GALNTL6: variants seen among roughly 807,000 people sequenced by gnomAD.
GALNTL6 encodes polypeptide N-acetylgalactosaminyltransferase like 6, also known as polypeptide N-acetylgalactosaminyltransferase-like 6.
Under a neutral mutation model 73.7 loss-of-function variants are expected in GALNTL6, and 46 were observed. That is an observed-to-expected ratio of 0.62 (90% CI 0.49 to 0.80). GALNTL6 has a LOEUF of 0.80. Among genes scored for constraint, GALNTL6 ranks in the 30% least tolerant of loss-of-function variants. GALNTL6 has a pLI of 0.00. For missense variants in GALNTL6, 604 were observed against 755.0 expected (o/e 0.80, Z 2.34); for synonymous variants, 259 against 263.7 (o/e 0.98, Z 0.17).
rs1307566035 is a variant in GALNTL6 at position 172,503,526 on chromosome 4, G to GTGTATATATA, written c.553+154838_553+154839insGTATATATAT. On this transcript the variant is annotated intron_variant, in intron 5 of 12. Transcript: ENST00000506823. ...CTAGTTTGAACATGTACATAGAGTA[G>GTGTATATATA]TATATATATATATATATATATATGT... Among the ~76,000 whole-genome samples, 3 of 85,958 alleles carry GTGTATATATA rather than the reference G, an allele frequency of 3.5e-5. No individual in the cohort carries two copies. The South Asian group carries it at 1.5e-3, about 42-fold the overall frequency. The allele number at this position is 85,958 out of a possible 152,430, so 56.4% of individuals were successfully genotyped here.
intron 5 of GALNTL6, among the ~76,000 whole-genome samples, chr4:172,374,382 G>T (rs971530198): frequency 2.6e-5 from 4 of 151,744 alleles, no homozygotes; most frequent in African/African-American, 9.7e-5. Context: ...CCCAGGGCTT[G>T]CTTTTGGAGC....
At chr4:172,169,594 A>G (rs1734747593) in intron 2 of GALNTL6, among the ~76,000 whole-genome samples, 1 of 152,150 alleles carries the variant, frequency 6.6e-6, no homozygotes, top group Admixed American at 6.5e-5. Context: ...ATAATATTTC[A>G]GGATAGAAAG....
chr4:172,109,636 A>C (rs1230858354), intron 2 of GALNTL6, among the ~76,000 whole-genome samples: 1 of 152,230 alleles, frequency 6.6e-6, no homozygotes, highest in Non-Finnish European at 1.5e-5. Flanking sequence ...CCTCTCAGCA[A>C]TTGCCTTTCA....
chr4:171,823,353 C>A (rs1734733827), intron 2 of GALNTL6, among the ~76,000 whole-genome samples: 1 of 151,670 alleles, frequency 6.6e-6, no homozygotes, highest in Non-Finnish European at 1.5e-5. Flanking sequence ...GGGGACAGTC[C>A]CAAGGAGAAT....
intron 2 of GALNTL6, among the ~76,000 whole-genome samples, chr4:172,132,511 G>A (rs1041515620): frequency 1.1e-4 from 17 of 151,978 alleles, no homozygotes; most frequent in Non-Finnish European, 2.2e-4. Flanking sequence ...ATTAATTTCA[G>A]GGACCTTAAA....
chr4:172,692,943 C>T (rs1234704641), intron 5 of GALNTL6, among the ~76,000 whole-genome samples: 1 of 152,152 alleles, frequency 6.6e-6, no homozygotes, highest in Non-Finnish European at 1.5e-5. Flanking sequence ...GGCTGAAGAT[C>T]TAGCCAACCA....
chr4:172,054,734 A>G (rs1019967629), intron 2 of GALNTL6, among the ~76,000 whole-genome samples: 36 of 152,338 alleles, frequency 2.4e-4, no homozygotes, highest in African/African-American at 8.2e-4. Context: ...AGTTTAAAGT[A>G]CAAAAGTAAC....
chr4:172,057,848 TTAATG>T (rs1731076662), intron 2 of GALNTL6, among the ~76,000 whole-genome samples: 1 of 149,918 alleles, frequency 6.7e-6, no homozygotes, highest in African/African-American at 2.4e-5. Flanking sequence ...TTTCCATTGA[TTAATG>T]TGGTGTTTTT....
chr4:172,965,480 G>C (rs1473146968), intron 10 of GALNTL6, among the ~76,000 whole-genome samples: 1 of 152,102 alleles, frequency 6.6e-6, no homozygotes, highest in Non-Finnish European at 1.5e-5. Flanking sequence ...CTACTCGGGA[G>C]GCTGAGGTGG....
chr4:172,554,054 A>C (rs1168051288), intron 5 of GALNTL6, among the ~76,000 whole-genome samples: 1 of 152,162 alleles, frequency 6.6e-6, no homozygotes, highest in African/African-American at 2.4e-5. Flanking sequence ...AACAAAAAGT[A>C]CCAGCTTGGG....
intron 10 of GALNTL6, among the ~76,000 whole-genome samples, chr4:172,983,298 T>C (rs2126438120): frequency 6.6e-6 from 1 of 152,308 alleles, no homozygotes; most frequent in Middle Eastern, 3.4e-3. Flanking sequence ...GATTTCAGAC[T>C]TCTGGCCTCC....
At chr4:172,062,220 C>T (rs1731229075) in intron 2 of GALNTL6, among the ~76,000 whole-genome samples, 1 of 151,978 alleles carries the variant, frequency 6.6e-6, no homozygotes, top group Non-Finnish European at 1.5e-5. Context: ...TCCCAAAGTG[C>T]TGGGATTACA....
intron 5 of GALNTL6, among the ~76,000 whole-genome samples, chr4:172,447,782 T>C (rs1165310764): frequency 6.6e-6 from 1 of 152,094 alleles, no homozygotes; most frequent in Non-Finnish European, 1.5e-5. Context: ...GAGCCTACAC[T>C]TCATGTAAAG....
At chr4:172,534,897 T>C (rs1735292746) in intron 5 of GALNTL6, among the ~76,000 whole-genome samples, 1 of 152,112 alleles carries the variant, frequency 6.6e-6, no homozygotes, top group South Asian at 2.1e-4. Flanking sequence ...TTTACAAACC[T>C]GAAAATAATT....
At chr4:172,533,014 A>AT (rs34090962) in intron 5 of GALNTL6, among the ~76,000 whole-genome samples, 66,490 of 143,460 alleles carry the variant, frequency 0.46, 16,259 homozygotes, top group South Asian at 0.66. Flanking sequence ...TTTTTGTAGA[A>AT]TTTTTTTTTT....
At chr4:171,970,844 T>C (rs1326930000) in intron 2 of GALNTL6, among the ~76,000 whole-genome samples, 2 of 152,206 alleles carry the variant, frequency 1.3e-5, no homozygotes, top group Admixed American at 6.5e-5. Flanking sequence ...AAATAACTTA[T>C]TTTAAAAAAA....
In GALNTL6 at chr4:172,954,832, A is replaced by T. The variant is rs1346381892; in HGVS notation, c.1371+2574A>T. The stretch of plus-strand genomic sequence containing the variant: ...CTTTCCCCAAAGCCTCAGAACAGTA[A>T]ACAAATAAAGGTCATATTTAGGTTT... On this transcript the variant is annotated intron_variant, in intron 10 of 12. Transcript: ENST00000506823. 5.9e-5 allele frequency among the ~76,000 whole-genome samples: 9 copies of T among 152,234 alleles called. No homozygotes were observed. The South Asian group carries it at 1.7e-3, about 28-fold the overall frequency.
intron 7 of GALNTL6, among the ~76,000 whole-genome samples, chr4:172,856,706 G>A (rs1453109026): frequency 6.6e-6 from 1 of 152,222 alleles, no homozygotes; most frequent in Non-Finnish European, 1.5e-5. Context: ...GGATAATAAA[G>A]TGTCCAACCT....
intron 5 of GALNTL6, among the ~76,000 whole-genome samples, chr4:172,433,902 CTT>C (rs1731549509): frequency 6.6e-6 from 1 of 152,064 alleles, no homozygotes; most frequent in Non-Finnish European, 1.5e-5. Context: ...GTTTGTAACA[CTT>C]TTATTTTTCT....
Sources: allele counts gnomAD v4.1 joint callset (sites outside exome capture counted in the v4.1 genomes callset), GRCh38; gene constraint gnomAD v4.1.1; transcripts MANE v1.5; gene names NCBI Gene and HGNC (gene_info 2026-07-23, HGNC 2026-07-21).